The following MED15 variants were observed in gnomAD, a reference collection of about 807,000 sequenced individuals.
MED15 encodes mediator of RNA polymerase II transcription subunit 15.
In MED15, 41 loss-of-function variants were observed where a neutral mutation model predicts 118.7. The ratio of observed to expected loss-of-function variants is 0.35; its 90% CI spans 0.27 to 0.45. MED15 has a LOEUF of 0.45. Ranked by LOEUF, MED15 falls within the 20% of genes least tolerant of loss-of-function variation. MED15 has a pLI of 1.00. For synonymous variants in MED15, 436 were observed against 413.9 expected, an observed-to-expected ratio of 1.05 and a Z score of -0.65; for missense variants, 740 against 1,025.5, an observed-to-expected ratio of 0.72 and a Z score of 3.80.
At chr22:20,525,491 A>G (rs1345881882) in intron 1 of MED15, among the ~76,000 whole-genome samples, 1 of 150,538 alleles carries the variant, frequency 6.6e-6, no homozygotes, top group Non-Finnish European at 1.5e-5. Flanking sequence ...TTGGGATTAC[A>G]GACATGAGCC....
Position 20,575,224 on chromosome 22 carries a change from A to G in MED15, c.1264A>G (p.Met422Val), listed in dbSNP as rs2056788097. 3 of 1,613,740 alleles carry G rather than the reference A, an allele frequency of 1.9e-6. No individual in the cohort carries two copies. The highest frequency in any genetic ancestry group is 2.2e-5 in the South Asian group (2 of 91,094). Residue 422 changes from methionine to valine, a missense_variant, in exon 9 of 18, where the codon ATG becomes GTG. Physicochemically the swap from Met to Val is conservative, Grantham distance 21. Coordinates refer to ENST00000263205, the MANE Select transcript of MED15 (RefSeq NM_001003891.3). ...CTCCATCCCTTTGGGCAGACAGCCC[A>G]TGGCACAGGTATTTACGGGGCAGCG... ...SSSIPLGRQP[M>V]AQVSQSSLPM...
chr22:20,557,469 A>C (rs5758468), intron 5 of MED15, among the ~76,000 whole-genome samples: 13,581 of 151,928 alleles, frequency 0.089, 924 homozygotes, highest in East Asian at 0.38. Flanking sequence ...TTACCTCACT[A>C]TTTTTAGCAC....
Position 20,585,468 on chromosome 22 carries a change from A to T in MED15, c.2131+201A>T, listed in dbSNP as rs145030539. The T allele has an allele frequency of 2.5e-3, 1,909 of 752,766 alleles. 33 individuals are homozygous for T. The Admixed American group carries it at 0.031, about 12-fold the overall frequency. The allele number at this position is 752,766 out of a possible 1,614,324, so 46.6% of individuals were successfully genotyped here. On this transcript the variant is annotated intron_variant, in intron 16 of 17. Transcript: ENST00000263205. ...CAGTCCCCACTGCCAGAGCCCGCAC[A>T]CTCTCACCTCCCCAACACAGATGTG...
At position 20,509,438 on chromosome 22, in the gene MED15, T is replaced by A. The variant is rs546533114; in HGVS notation, c.68+1692T>A. Among the ~76,000 whole-genome samples, 27 of 152,218 alleles carry A rather than the reference T, an allele frequency of 1.8e-4. No individual in the cohort carries two copies. The South Asian group carries it at 5.4e-3, about 30-fold the overall frequency. On this transcript the variant is annotated intron_variant, in intron 1 of 17. Transcript: ENST00000263205. ...CACTGCTAGCTCACTGCCTGCCACATTGCTCCGTAAAATGATTGTGGCATG... is the reference window on the plus strand; with the variant it reads ...CACTGCTAGCTCACTGCCTGCCACAATGCTCCGTAAAATGATTGTGGCATG...
intron 9 of MED15, among the ~76,000 whole-genome samples, chr22:20,578,032 C>G (rs1351857294): frequency 6.6e-6 from 1 of 152,194 alleles, no homozygotes; most frequent in Non-Finnish European, 1.5e-5. Context: ...TCAAGCGATT[C>G]TCCTGCCTCA....
At chr22:20,546,503 T>TTA (rs1368759096) in intron 2 of MED15, among the ~76,000 whole-genome samples, 16 of 89,738 alleles carry the variant, frequency 1.8e-4, no homozygotes, top group African/African-American at 5.8e-4. Context: ...TTACATGGAG[T>TTA]TTTTTTTGTT....
chr22:20,543,988 A>G (rs2055424627), intron 2 of MED15, among the ~76,000 whole-genome samples: 1 of 152,214 alleles, frequency 6.6e-6, no homozygotes, highest in African/African-American at 2.4e-5. Context: ...TATTACAAAG[A>G]TCACCTTTGC....
At chr22:20,582,816 CAT>C (rs760364479) in intron 10 of MED15, 22 bp from the exon 11 acceptor site, 8 of 1,607,718 alleles carry the variant, frequency 5.0e-6, no homozygotes, top group East Asian at 4.5e-5. Flanking sequence ...CCCCGGCTCA[CAT>C]GTTTCTCTCA....
chr22:20,509,541 A>G (rs2053991190), intron 1 of MED15, among the ~76,000 whole-genome samples: 1 of 137,604 alleles, frequency 7.3e-6, no homozygotes, highest in Non-Finnish European at 1.5e-5. Flanking sequence ...ATTCCAGAGG[A>G]GGGGGAACGT....
At chr22:20,538,421 T>A (rs1213455216) in intron 2 of MED15, among the ~76,000 whole-genome samples, 1 of 152,006 alleles carries the variant, frequency 6.6e-6, no homozygotes, top group Non-Finnish European at 1.5e-5. Flanking sequence ...GGCTAAGTTT[T>A]TTATTTTTTG....
At chr22:20,551,546 GC>G (rs1569209489) in intron 3 of MED15, 59 bp downstream of exon 3, 1 of 1,505,724 alleles carries the variant, frequency 6.6e-7, no homozygotes. Context: ...CAGCCCTGAC[GC>G]TGCCTCGGCA....
chr22:20,578,200 C>A (rs567978473), intron 9 of MED15, among the ~76,000 whole-genome samples: 1 of 152,248 alleles, frequency 6.6e-6, no homozygotes, highest in South Asian at 2.1e-4. Flanking sequence ...GTTGAGATTA[C>A]AGGTGTGAAC....
intron 1 of MED15, among the ~76,000 whole-genome samples, chr22:20,529,481 A>G (rs1345187618): frequency 6.6e-6 from 1 of 151,652 alleles, no homozygotes; most frequent in Non-Finnish European, 1.5e-5. Context: ...CTGGAGTGCA[A>G]TGGCTTGATC....
chr22:20,578,519 G>A (rs911004011), intron 9 of MED15, among the ~76,000 whole-genome samples: 1 of 152,226 alleles, frequency 6.6e-6, no homozygotes, highest in Admixed American at 6.5e-5. Flanking sequence ...TGTACCAAGG[G>A]CATTCACCTG....
intron 16 of MED15, chr22:20,585,524 T>G (rs543592998): frequency 5.1e-5 from 35 of 681,382 alleles, no homozygotes; most frequent in African/African-American, 2.9e-4. Context: ...AGGGAGGTGG[T>G]AGGCAGGACC....
intron 2 of MED15, among the ~76,000 whole-genome samples, chr22:20,543,144 T>C (rs1601532413): frequency 7.2e-6 from 1 of 138,120 alleles, no homozygotes; most frequent in South Asian, 2.2e-4. Flanking sequence ...TGTGTGTGTG[T>C]GTGTGTGTAT....
intron 3 of MED15, 134 bp from the exon 4 acceptor site, chr22:20,553,011 A>G (rs2055842146): frequency 5.4e-6 from 4 of 747,478 alleles, no homozygotes; most frequent in South Asian, 1.8e-5. Flanking sequence ...CACTTCCCCC[A>G]GTAGTGGGGA....
rs2054361110 is a variant in MED15 at position 20,519,277 on chromosome 22, G to A, written c.68+11531G>A. On this transcript the variant is annotated intron_variant, in intron 1 of 17. Coordinates refer to ENST00000263205, the MANE Select transcript of MED15 (RefSeq NM_001003891.3). Reference sequence around the variant, plus strand: ...AAGGGAGATGTTCGCCTCAACTTTAGTAATGACTCTCTTTCTAGTCTAGGT... The same window carrying A: ...AAGGGAGATGTTCGCCTCAACTTTAATAATGACTCTCTTTCTAGTCTAGGT... 3.3e-5 allele frequency among the ~76,000 whole-genome samples: 5 copies of A among 152,126 alleles called. No individual in the cohort carries two copies. The South Asian group carries it at 1.0e-3, about 32-fold the overall frequency.
intron 2 of MED15, among the ~76,000 whole-genome samples, chr22:20,550,504 C>G (rs2055725205): frequency 2.0e-5 from 3 of 152,270 alleles, no homozygotes; most frequent in Admixed American, 2.0e-4. Flanking sequence ...ATCCTTCCCT[C>G]TGCCCTGCCA....
Sources: gnomAD v4.1 joint callset for allele counts (sites outside exome capture counted in the v4.1 genomes callset) on GRCh38, gnomAD v4.1.1 for gene constraint, MANE v1.5 for transcripts, NCBI Gene and HGNC (gene_info 2026-07-23, HGNC 2026-07-21) for gene names.